Variants in FRY observed in about 807,000 individuals in gnomAD.
FRY encodes protein furry homolog.
In FRY, 128 loss-of-function variants were observed where a neutral mutation model predicts 348.4. The observed-to-expected ratio is 0.37, with a 90% CI of 0.32 to 0.43. FRY has a LOEUF of 0.43. FRY is among the 20% of genes least tolerant of loss of function. FRY has a pLI of 1.00. For synonymous variants in FRY, 1,370 were observed against 1,374.7 expected (o/e 1.00, Z 0.08); for missense variants, 2,736 against 3,695.2 (o/e 0.74, Z 6.73).
chr13:32,286,050 C>G (rs910329437), intron 58 of FRY, among the ~76,000 whole-genome samples: 5 of 152,142 alleles, frequency 3.3e-5, no homozygotes, highest in Admixed American at 6.5e-5. Context: ...CATCAATGTG[C>G]CAACCCCACA....
intron 1 of FRY, among the ~76,000 whole-genome samples, chr13:32,075,324 C>T (rs1874977464): frequency 6.6e-6 from 1 of 152,118 alleles, no homozygotes; most frequent in Admixed American, 6.5e-5. Context: ...AGTCAAAGCC[C>T]TCAAGCCTGT....
In FRY at chr13:32,239,686, C is replaced by T; in HGVS notation, c.6517-25C>T. 1.3e-6 allele frequency: 2 copies of T among 1,541,062 alleles called. No individual in the cohort carries two copies. The highest frequency in any genetic ancestry group is 1.8e-6 in the Non-Finnish European group (2 of 1,114,486). On this transcript the variant is annotated intron_variant, in intron 45 of 60. Transcript: ENST00000542859. The surrounding 1 kb of genome is among the most constrained non-coding windows in gnomAD (Gnocchi z 4.3). ...TCCTATTCATTGGGCTATTTTATTCCTAATTGATTTTTTTATTTTAAAAGG... is the reference window on the plus strand; with the variant it reads ...TCCTATTCATTGGGCTATTTTATTCTTAATTGATTTTTTTATTTTAAAAGG...
At chr13:32,248,127 C>A (rs1360566142) in intron 48 of FRY, among the ~76,000 whole-genome samples, 2 of 152,182 alleles carry the variant, frequency 1.3e-5, no homozygotes, top group Non-Finnish European at 2.9e-5. Flanking sequence ...ACTTTGCTTT[C>A]ACATCTCTTA....
At chr13:32,213,889 A>G (rs1425878041) in intron 35 of FRY, among the ~76,000 whole-genome samples, 1 of 152,216 alleles carries the variant, frequency 6.6e-6, no homozygotes, top group Non-Finnish European at 1.5e-5. Context: ...GAACATCTTC[A>G]AGAGAGATTT....
At chr13:32,285,138 C>A (rs968472336) in intron 58 of FRY, among the ~76,000 whole-genome samples, 3 of 152,122 alleles carry the variant, frequency 2.0e-5, no homozygotes, top group Admixed American at 6.6e-5. Context: ...CAAGGACATT[C>A]CCACATGTTC....
At chr13:32,258,991 T>G (rs530697444) in intron 51 of FRY, among the ~76,000 whole-genome samples, 1 of 152,334 alleles carries the variant, frequency 6.6e-6, no homozygotes, top group East Asian at 1.9e-4. Flanking sequence ...AAATAGTATT[T>G]CTAACATTTA....
At chr13:32,202,629 A>G (rs1269261770) in intron 31 of FRY, 102 bp downstream of exon 31, 9 of 1,088,740 alleles carry the variant, frequency 8.3e-6, no homozygotes, top group Non-Finnish European at 1.3e-5. Flanking sequence ...GCTCTAAGTA[A>G]TTTTTCTTTT....
intron 48 of FRY, among the ~76,000 whole-genome samples, 158 bp from the exon 49 acceptor site, chr13:32,249,368 G>A (rs75700240): frequency 1.3e-5 from 2 of 152,174 alleles, no homozygotes. Context: ...CTCATAATGT[G>A]TACTTGCATG....
chr13:32,276,483 TG>T lies in FRY; in HGVS notation c.8308del (p.Asp2770ThrfsTer8). On this transcript the variant is annotated frameshift_variant, in exon 57 of 61. Coordinates refer to ENST00000542859, the MANE Select transcript of FRY (RefSeq NM_023037.3). LOFTEE classifies it high-confidence loss of function. Reference protein sequence around the residue: ...DAETLLSCGLLDKLKFSVLEL... With the variant: ...DAETLLSCGLXDKLKFSVLEL... ...CTTTAGCTCCTTTCATGTGGACTTC[TG>T]GACAAGCTCAAGTTCAGTGTGTTAG... 1 of 1,597,986 alleles carries T rather than the reference TG, an allele frequency of 6.3e-7. No individual in the cohort carries two copies. Among genetic ancestry groups the T allele is most frequent in the Non-Finnish European group, 8.6e-7 (1 of 1,165,258 alleles).
intron 52 of FRY, 136 bp from the exon 53 acceptor site, chr13:32,262,178 T>A (rs1457930147): frequency 1.4e-6 from 1 of 717,392 alleles, no homozygotes; most frequent in Non-Finnish European, 2.5e-6. Flanking sequence ...TACTAGCTGC[T>A]ATGTTTAAGG....
intron 8 of FRY, 28 bp from the exon 9 acceptor site, chr13:32,134,876 C>T (rs1256990616): frequency 1.5e-6 from 2 of 1,369,374 alleles, no homozygotes; most frequent in Non-Finnish European, 2.1e-6. Flanking sequence ...CCTACTCTCC[C>T]TCCCTATACT....
At chr13:32,139,411 C>T (rs1002658869) in intron 11 of FRY, among the ~76,000 whole-genome samples, 2 of 152,202 alleles carry the variant, frequency 1.3e-5, no homozygotes, top group African/African-American at 4.8e-5. Flanking sequence ...CTGAATCCCA[C>T]ATGCTGACCT....
At chr13:32,251,483 A>G (rs1302672045) in intron 49 of FRY, among the ~76,000 whole-genome samples, 1 of 152,074 alleles carries the variant, frequency 6.6e-6, no homozygotes, top group Non-Finnish European at 1.5e-5. Flanking sequence ...GAAGTGATAG[A>G]TCTCCTTAAA....
At chr13:32,214,204 T>G (rs1315864495) in intron 35 of FRY, among the ~76,000 whole-genome samples, 2 of 152,234 alleles carry the variant, frequency 1.3e-5, no homozygotes, top group Non-Finnish European at 2.9e-5. Context: ...AATCCTTTTT[T>G]CTCCTCAGTC....
intron 31 of FRY, 22 bp downstream of exon 31, chr13:32,202,549 T>C (rs748732178): frequency 2.6e-6 from 4 of 1,555,096 alleles, no homozygotes; most frequent in African/African-American, 2.7e-5. Context: ...TAGTCAATAA[T>C]GACATATGTG....
intron 1 of FRY, among the ~76,000 whole-genome samples, chr13:32,044,169 G>A (rs1317412870): frequency 6.6e-6 from 1 of 152,160 alleles, no homozygotes; most frequent in Non-Finnish European, 1.5e-5. Flanking sequence ...AACAATAGTA[G>A]ATGAAATGCC....
At chr13:32,120,684 C>T (rs920091030) in intron 4 of FRY, among the ~76,000 whole-genome samples, 11 of 152,118 alleles carry the variant, frequency 7.2e-5, no homozygotes, top group African/African-American at 2.7e-4. Flanking sequence ...TTGTTTGAGA[C>T]GGAGTCTCAC....
chr13:32,082,308 G>A (rs1875552174), intron 2 of FRY, among the ~76,000 whole-genome samples: 1 of 150,582 alleles, frequency 6.6e-6, no homozygotes, highest in East Asian at 1.9e-4. Context: ...CTCTTGTTCT[G>A]CAGAATGGCT....
In FRY at chr13:32,171,103, G is replaced by A. The variant is rs1882030357; in HGVS notation, c.1984G>A (p.Val662Ile). Residue 662 changes from valine (V) to isoleucine (I), a missense_variant, in exon 18 of 61, where the codon GTA becomes ATA. Coordinates refer to ENST00000542859, the MANE Select transcript of FRY (RefSeq NM_023037.3). ...TGACTTCTCAGATTGGAGGGAAGAT[G>A]TACTATTTGGCTTTACCAACTTCCT... The part of the protein sequence containing the change: ...LVDFSDWRED[V>I]LFGFTNFLLR... 6.2e-7 allele frequency: 1 copy of A among 1,612,948 alleles called. No homozygotes were observed. Among genetic ancestry groups the A allele is most frequent in the Non-Finnish European group, 8.5e-7 (1 of 1,179,022 alleles).
Sources: gnomAD v4.1 joint callset for allele counts (sites outside exome capture counted in the v4.1 genomes callset) on GRCh38, gnomAD v4.1.1 for gene constraint, Gnocchi (gnomAD v3.1) non-coding constraint, MANE v1.5 for transcripts, NCBI Gene and HGNC (gene_info 2026-07-23, HGNC 2026-07-21) for gene names.